ABCA4: variants seen among roughly 807,000 people sequenced by gnomAD.
ABCA4 encodes the protein retinal-specific phospholipid-transporting ATPase ABCA4.
In ABCA4, 196 loss-of-function variants were observed where a neutral mutation model predicts 263.7. That is an observed-to-expected ratio of 0.74 (90% CI 0.66 to 0.84). The LOEUF is 0.84. Among genes scored for constraint, ABCA4 ranks in the 40% least tolerant of loss-of-function variants. The pLI is 0.00. For synonymous variants in ABCA4, 1,133 were observed against 1,094.2 expected (o/e 1.04, Z -0.70); for missense variants, 2,792 against 2,855.1 (o/e 0.98, Z 0.50).
intron 11 of ABCA4, among the ~76,000 whole-genome samples, chr1:94,071,733 T>C (rs1298824936): frequency 6.6e-6 from 1 of 152,240 alleles, no homozygotes; most frequent in Non-Finnish European, 1.5e-5. Context: ...CCTCCACCCA[T>C]GACCCCGGTC....
In ABCA4 at chr1:94,011,194, G is replaced by GC. The variant is rs919472353; in HGVS notation, c.5584+67dup. ...GCCCCTGCCACAGTCTGATGCAGGAGCCCCCCCGGTAACCCTCCCAGCTTT... is the reference window on the plus strand; with the variant it reads ...GCCCCTGCCACAGTCTGATGCAGGAGCCCCCCCCGGTAACCCTCCCAGCTTT... On this transcript the variant is annotated intron_variant, in intron 39 of 49. Transcript: ENST00000370225. 175 of 1,610,848 alleles carry GC rather than the reference G, an allele frequency of 1.1e-4. 1 individual carries two copies. In the Admixed American group the frequency reaches 2.1e-3, roughly 19 times the overall value.
chr1:94,105,908 C>G (rs1198930321), intron 4 of ABCA4, among the ~76,000 whole-genome samples: 1 of 152,198 alleles, frequency 6.6e-6, no homozygotes, highest in African/African-American at 2.4e-5. Flanking sequence ...CCCGCCACCC[C>G]CACCCGCTCG....
chr1:94,064,685 G>T (rs1349389298), intron 11 of ABCA4, among the ~76,000 whole-genome samples: 1 of 152,198 alleles, frequency 6.6e-6, no homozygotes, highest in Non-Finnish European at 1.5e-5. Flanking sequence ...TAATTGCAAG[G>T]CACAGAAGGG....
intron 1 of ABCA4, among the ~76,000 whole-genome samples, chr1:94,116,232 G>A (rs1015466095): frequency 2.9e-4 from 44 of 151,964 alleles, no homozygotes; most frequent in Non-Finnish European, 1.3e-4. Flanking sequence ...CCTCACCTGT[G>A]CCCTCTTCTC....
In ABCA4 at chr1:94,060,686, C is replaced by T. The variant is rs1661098553; in HGVS notation, c.2011G>A (p.Val671Met). The part of the protein sequence containing the change: ...LAWIYSVSMT[V>M]KSIVLEKELR... Reference sequence around the variant, plus strand: ...TCCTTCTCCAAGACGATGCTCTTCACAGTCATGGAGACAGAGTAGATCCAT... The same window carrying T: ...TCCTTCTCCAAGACGATGCTCTTCATAGTCATGGAGACAGAGTAGATCCAT... Residue 671 changes from valine to methionine, a missense_variant, in exon 14 of 50, where the codon GTG becomes ATG. Physicochemically the swap from Val to Met is conservative, Grantham distance 21. Coordinates refer to ENST00000370225, the MANE Select transcript of ABCA4 (RefSeq NM_000350.3). 1 of 1,614,034 alleles carries T rather than the reference C, an allele frequency of 6.2e-7. No individual in the cohort carries two copies. Among genetic ancestry groups the T allele is most frequent in the African/African-American group, 1.3e-5 (1 of 74,922 alleles).
intron 19 of ABCA4, 96 bp downstream of exon 19, chr1:94,046,823 A>G: frequency 6.7e-7 from 1 of 1,490,488 alleles, no homozygotes; most frequent in Non-Finnish European, 9.3e-7. Context: ...TGTCACTAAA[A>G]TTTGTGGGAA....
At chr1:94,059,821 G>A (rs1661070362) in intron 14 of ABCA4, among the ~76,000 whole-genome samples, 1 of 152,174 alleles carries the variant, frequency 6.6e-6, no homozygotes, top group African/African-American at 2.4e-5. Flanking sequence ...CATCTACGGT[G>A]GAGGAGCTAA....
At position 94,043,591 on chromosome 1, in the gene ABCA4, G is replaced by A. The variant is rs1001810152; in HGVS notation, c.3051-116C>T. 1.3e-5 allele frequency: 18 copies of A among 1,394,630 alleles called. No individual in the cohort carries two copies. The East Asian group carries it at 3.4e-4, about 26-fold the overall frequency. 86.4% of individuals were successfully genotyped at this position (1,394,630 alleles called of 1,614,324 possible). A position where few individuals can be genotyped will look rare whatever the true frequency, so the allele number is the denominator to read the frequency against. On this transcript the variant is annotated intron_variant, in intron 20 of 49. Transcript: ENST00000370225. ...TGATTTGGCAATCAAGATGCTCACT[G>A]TGGTGGTGTTTATGATACAATACAA...
intron 38 of ABCA4, among the ~76,000 whole-genome samples, chr1:94,013,281 A>T (rs1659603612): frequency 1.3e-5 from 2 of 152,142 alleles, no homozygotes; most frequent in African/African-American, 4.8e-5. Context: ...CATGGGACAG[A>T]TGAGGCTTCG....
At chr1:94,068,345 G>T (rs572172723) in intron 11 of ABCA4, among the ~76,000 whole-genome samples, 1 of 152,350 alleles carries the variant, frequency 6.6e-6, no homozygotes, top group Non-Finnish European at 1.5e-5. Context: ...TGTAGAAGCT[G>T]CTTTGGACAT....
chr1:94,113,692 T>G (rs1389124989), intron 1 of ABCA4, among the ~76,000 whole-genome samples: 2 of 152,224 alleles, frequency 1.3e-5, no homozygotes, highest in Non-Finnish European at 2.9e-5. Flanking sequence ...TGTGATCCAT[T>G]GCAAAGCCAA....
chr1:94,006,199 G>A (rs1659380236), intron 43 of ABCA4, among the ~76,000 whole-genome samples: 1 of 152,158 alleles, frequency 6.6e-6, no homozygotes, highest in African/African-American at 2.4e-5. Flanking sequence ...TTATAGCTTA[G>A]GGTCTATGAA....
intron 28 of ABCA4, 71 bp from the exon 29 acceptor site, chr1:94,030,597 C>G (rs1379151608): frequency 7.2e-7 from 1 of 1,396,460 alleles, no homozygotes; most frequent in African/African-American, 1.4e-5. Flanking sequence ...AGAGCCTTTA[C>G]TGGATAGCTG....
Position 94,047,057 on chromosome 1 carries a change from G to A in ABCA4, c.2780C>T (p.Pro927Leu). Residue 927 changes from proline (P) to leucine (L), a missense_variant, in exon 19 of 50, where the codon CCT becomes CTT. Coordinates refer to ENST00000370225, the MANE Select transcript of ABCA4 (RefSeq NM_000350.3). Reference protein sequence around the residue: ...FFEREHPGWVPGVCVKNLVKI... With the variant: ...FFEREHPGWVLGVCVKNLVKI... ...TACCAGATTCTTCACGCATACCCCA[G>A]GAACCCACCCTGGATGCTCACGTTC... 6.2e-7 allele frequency: 1 copy of A among 1,614,096 alleles called. No individual in the cohort carries two copies. Among genetic ancestry groups the A allele is most frequent in the Non-Finnish European group, 8.5e-7 (1 of 1,180,014 alleles).
chr1:94,036,756 TGAATCA>T lies in ABCA4; in HGVS notation c.3840_3845del (p.Asp1281_Ser1282del), dbSNP rs62642572. The T allele has an allele frequency of 3.5e-4, 563 of 1,614,130 alleles. No homozygotes were observed. The highest frequency in any genetic ancestry group is 4.3e-4 in the Non-Finnish European group (504 of 1,180,008). ...GCACCATACCCGCAAACAGAGGTCC[TGAATCA>T]GAATCCTCCGTGACCTTCAGAAAAA... On this transcript the variant is annotated inframe_deletion, in exon 26 of 50. Transcript: ENST00000370225.
At chr1:94,102,096 C>T (rs759779442) in intron 5 of ABCA4, among the ~76,000 whole-genome samples, 4 of 152,170 alleles carry the variant, frequency 2.6e-5, no homozygotes, top group Non-Finnish European at 2.9e-5. Context: ...TCACCAGACG[C>T]GCAAGCCTCC....
rs187385249 is a variant in ABCA4 at position 94,091,327 on chromosome 1, G to C, written c.768+7467C>G. Among the ~76,000 whole-genome samples, 351 of 152,172 alleles carry C rather than the reference G, an allele frequency of 2.3e-3. 1 individual carries two copies. The highest frequency in any genetic ancestry group is 6.8e-3 in the Admixed American group (104 of 15,282). ...TCCGGTCCTCACACCTTACATCTCT[G>C]AATACTGCCTAGTCCCGAGGGAGCC... On this transcript the variant is annotated intron_variant, in intron 6 of 49. Coordinates refer to ENST00000370225, the MANE Select transcript of ABCA4 (RefSeq NM_000350.3).
chr1:94,083,304 G>T (rs760467272), intron 7 of ABCA4, 48 bp downstream of exon 7: 1 of 1,419,390 alleles, frequency 7.0e-7, no homozygotes, highest in Non-Finnish European at 9.9e-7. Context: ...TGGGGTAAAT[G>T]GTGGAAAGAC....
intron 43 of ABCA4, 33 bp downstream of exon 43, chr1:94,007,601 G>C: frequency 6.4e-7 from 1 of 1,561,840 alleles, no homozygotes; most frequent in African/African-American, 1.4e-5. Flanking sequence ...ACCTGTGAGA[G>C]ACTCCCTGAG....
Sources: gnomAD v4.1 joint callset for allele counts (sites outside exome capture counted in the v4.1 genomes callset) on GRCh38, gnomAD v4.1.1 for gene constraint, MANE v1.5 for transcripts, NCBI Gene and HGNC (gene_info 2026-07-23, HGNC 2026-07-21) for gene names.